RAF1: variants seen among roughly 807,000 people sequenced by gnomAD.
RAF1 encodes RAF proto-oncogene serine/threonine-protein kinase.
In RAF1, 27 loss-of-function variants were observed where a neutral mutation model predicts 81.1. That is an observed-to-expected ratio of 0.33 (90% CI 0.25 to 0.46). The LOEUF (loss-of-function observed/expected upper bound fraction) is 0.46. Among genes scored for constraint, RAF1 ranks in the 20% least tolerant of loss-of-function variants. The pLI, the probability that RAF1 is intolerant of heterozygous loss-of-function variation, is 1.00. For missense variants in RAF1, 598 were observed against 826.0 expected, an observed-to-expected ratio of 0.72 and a Z score of 3.38; for synonymous variants, 298 against 294.0, an observed-to-expected ratio of 1.01 and a Z score of -0.14.
chr3:12,609,085 T>C lies in RAF1; in HGVS notation c.423+148A>G, dbSNP rs913380244. ...TAGAGTATATCTCTGACTAATGAAA[T>C]CTAAATTGCCTTACTGTAAACAACA... On this transcript the variant is annotated intron_variant, in intron 4 of 17. Transcript: ENST00000442415. 5.9e-6 allele frequency: 6 copies of C among 1,017,804 alleles called. No individual in the cohort carries two copies. The African/African-American group carries it at 8.1e-5, about 14-fold the overall frequency. The allele number at this position is 1,017,804 out of a possible 1,614,324, so 63.0% of individuals were successfully genotyped here. A position where few individuals can be genotyped will look rare whatever the true frequency, so the allele number is the denominator to read the frequency against.
chr3:12,635,922 G>A (rs558189515), intron 1 of RAF1, among the ~76,000 whole-genome samples: 40 of 151,536 alleles, frequency 2.6e-4, no homozygotes, highest in African/African-American at 7.0e-4. Flanking sequence ...GCAGTGAGCC[G>A]AGATCGCGCC....
intron 1 of RAF1, among the ~76,000 whole-genome samples, chr3:12,651,666 A>AG (rs2125565206): frequency 6.6e-6 from 1 of 151,086 alleles, no homozygotes; most frequent in South Asian, 2.1e-4. Flanking sequence ...AAAAAAAAAA[A>AG]GATACACGAA....
intron 1 of RAF1, among the ~76,000 whole-genome samples, chr3:12,640,765 G>A (rs1204346165): frequency 6.6e-6 from 1 of 152,032 alleles, no homozygotes; most frequent in African/African-American, 2.4e-5. Context: ...ACTGTTGGTG[G>A]GACTGTAAAC....
intron 14 of RAF1, 141 bp downstream of exon 13, chr3:12,587,450 C>T (rs2058364675): frequency 3.5e-6 from 3 of 862,304 alleles, no homozygotes; most frequent in East Asian, 4.8e-5. Context: ...AATTTTCTGA[C>T]TTTTCTGTTT....
chr3:12,614,037 T>G (rs887338992), intron 2 of RAF1, among the ~76,000 whole-genome samples: 1 of 152,156 alleles, frequency 6.6e-6, no homozygotes, highest in East Asian at 1.9e-4. Context: ...ACCGATGGTT[T>G]TTCCTCTCCT....
chr3:12,628,846 C>T (rs944167152), intron 1 of RAF1, among the ~76,000 whole-genome samples: 8 of 151,472 alleles, frequency 5.3e-5, no homozygotes, highest in African/African-American at 1.7e-4. Flanking sequence ...CTGTTTCCCA[C>T]ATTCAAGTGA....
chr3:12,621,187 T>C (rs936607137), intron 1 of RAF1, among the ~76,000 whole-genome samples: 1 of 152,232 alleles, frequency 6.6e-6, no homozygotes, highest in African/African-American at 2.4e-5. Flanking sequence ...GTAGGAATTA[T>C]GTCCCCATTT....
intron 11 of RAF1, among the ~76,000 whole-genome samples, chr3:12,594,239 T>TG (rs2125357778): frequency 6.6e-6 from 1 of 152,204 alleles, no homozygotes; most frequent in African/African-American, 2.4e-5. Context: ...ACTGACCCAA[T>TG]GAGGCAGTCA....
At chr3:12,598,129 C>G (rs2058740183) in intron 11 of RAF1, among the ~76,000 whole-genome samples, 1 of 151,200 alleles carries the variant, frequency 6.6e-6, no homozygotes, top group South Asian at 2.1e-4. Flanking sequence ...AGCAATCTTC[C>G]TGCCTCAGCC....
rs1187873982 is a variant in RAF1, at chr3:12,584,339, C to CA, written c.*174dup. The CA allele has an allele frequency of 2.6e-6, 2 of 780,170 alleles. No homozygotes were observed. Among genetic ancestry groups the CA allele is most frequent in the African/African-American group, 3.4e-5 (2 of 57,984 alleles). The allele number at this position is 780,170 out of a possible 1,614,324, so 48.3% of individuals were successfully genotyped here. On this transcript the variant is annotated 3_prime_UTR_variant, in exon 18 of 18. Coordinates refer to ENST00000442415, the MANE Select transcript of RAF1 (RefSeq NM_001354689.3). ...CAAATGGCTTCCTTCTCCCAGGGCC[C>CA]AAAGGGATAGAAAAGAAGGCAACAT...
In RAF1 at chr3:12,599,358, C is replaced by A. The variant is rs2058785536; in HGVS notation, c.1168+333G>T. The A allele has an allele frequency of 1.0e-5, 3 of 292,342 alleles. No individual in the cohort carries two copies. In the South Asian group the frequency reaches 1.4e-4, roughly 13 times the overall value. 18.1% of individuals were successfully genotyped at this position (292,342 alleles called of 1,614,324 possible). A position where few individuals can be genotyped will look rare whatever the true frequency, so the allele number is the denominator to read the frequency against. ...CAGCTTAAAGTTTCTAGAACCCATGCTCCCTCCATAGCAGCAGACTCTTGC... is the reference window on the plus strand; with the variant it reads ...CAGCTTAAAGTTTCTAGAACCCATGATCCCTCCATAGCAGCAGACTCTTGC... On this transcript the variant is annotated intron_variant, in intron 11 of 17. Coordinates refer to ENST00000442415, the MANE Select transcript of RAF1 (RefSeq NM_001354689.3).
At chr3:12,617,595 T>C (rs946669049) in intron 2 of RAF1, among the ~76,000 whole-genome samples, 2 of 152,104 alleles carry the variant, frequency 1.3e-5, no homozygotes, top group Non-Finnish European at 2.9e-5. Flanking sequence ...AATTGAAGTT[T>C]TGTTATCAGG....
At chr3:12,593,748 G>C (rs2058595756) in intron 11 of RAF1, among the ~76,000 whole-genome samples, 1 of 151,388 alleles carries the variant, frequency 6.6e-6, no homozygotes, top group African/African-American at 2.4e-5. Context: ...AGGAGTGCTG[G>C]AACAGAAGGG....
intron 11 of RAF1, among the ~76,000 whole-genome samples, chr3:12,592,731 C>CTTT (rs35189562): frequency 0.027 from 2,913 of 107,160 alleles, 170 homozygotes; most frequent in African/African-American, 0.08. Context: ...TTAAAAGCCA[C>CTTT]TTTTTTTTTT....
At chr3:12,662,470 G>A (rs571194883) in intron 1 of RAF1, among the ~76,000 whole-genome samples, 1 of 151,700 alleles carries the variant, frequency 6.6e-6, no homozygotes, top group African/African-American at 2.4e-5. Context: ...ATCAACAAAG[G>A]GAGAAAATTA....
intron 13 of RAF1, 195 bp downstream of exon 12, chr3:12,590,603 G>T: frequency 1.6e-6 from 1 of 643,998 alleles, no homozygotes; most frequent in Non-Finnish European, 2.7e-6. Context: ...TGGGATTACA[G>T]GTGTGAGCCA....
At position 12,611,960 on chromosome 3, in the gene RAF1, C is replaced by T. The variant is rs896491732; in HGVS notation, c.310G>A (p.Glu104Lys). 4.3e-6 allele frequency: 7 copies of T among 1,613,838 alleles called. No individual in the cohort carries two copies. The highest frequency in any genetic ancestry group is 2.2e-5 in the South Asian group (2 of 91,080). ...CTTTTGAGCTCTTACCCTTTGTGTT[C>T]GTGGAGAAGTCTGAACACTGCACAG... The change falls in exon 3 of 18, where the codon GAA becomes AAA. Residue 104 changes from glutamate (E) to lysine (K), a missense_variant. Around this residue, in one of 5 missense-constraint regions of RAF1, gnomAD observed 89 missense variants for 169.2 expected, o/e 0.53. Coordinates refer to ENST00000442415, the MANE Select transcript of RAF1 (RefSeq NM_001354689.3).
intron 11 of RAF1, 58 bp downstream of exon 10, chr3:12,599,633 T>TG (rs915020526): frequency 1.1e-5 from 15 of 1,384,770 alleles, no homozygotes; most frequent in Non-Finnish European, 1.5e-5. Flanking sequence ...CCCCCTGGGC[T>TG]GAAACTTGAC....
At chr3:12,587,665 A>C in intron 13 of RAF1, 28 bp from the exon 13 acceptor site, 1 of 1,588,838 alleles carries the variant, frequency 6.3e-7, no homozygotes, top group African/African-American at 1.3e-5. Context: ...ATTATTAAAA[A>C]TAAGTTTGAG....
Sources: gnomAD v4.1 joint callset for allele counts (sites outside exome capture counted in the v4.1 genomes callset) on GRCh38, gnomAD v4.1.1 for gene constraint, gnomAD v4.1.1 regional missense constraint, MANE v1.5 for transcripts, NCBI Gene and HGNC (gene_info 2026-07-23, HGNC 2026-07-21) for gene names.